The following FRMD4A variants were observed in gnomAD, a reference collection of about 807,000 sequenced individuals.
FRMD4A encodes the protein FERM domain-containing protein 4A.
FRMD4A carries 29 observed loss-of-function variants against 129.1 expected under a neutral mutation model. That is an observed-to-expected ratio of 0.22 (90% CI 0.17 to 0.31). The LOEUF is 0.31. Among genes scored for constraint, FRMD4A ranks in the 10% least tolerant of loss-of-function variants. The pLI is 1.00. For synonymous variants in FRMD4A, 634 were observed against 571.6 expected, an observed-to-expected ratio of 1.11 and a Z score of -1.56; for missense variants, 1,272 against 1,375.8, an observed-to-expected ratio of 0.92 and a Z score of 1.19.
intron 2 of FRMD4A, among the ~76,000 whole-genome samples, chr10:14,132,630 C>G (rs1478396401): frequency 6.6e-6 from 1 of 152,210 alleles, no homozygotes; most frequent in Non-Finnish European, 1.5e-5. Context: ...CCCACCACCT[C>G]CCATTCCTCC....
At chr10:13,842,899 C>A (rs1429199568) in intron 3 of FRMD4A, among the ~76,000 whole-genome samples, 2 of 152,122 alleles carry the variant, frequency 1.3e-5, no homozygotes, top group Non-Finnish European at 2.9e-5. Context: ...TGTGGTGTTT[C>A]TTATTATGTA....
At chr10:14,150,494 A>T (rs957668026) in intron 2 of FRMD4A, among the ~76,000 whole-genome samples, 2 of 152,142 alleles carry the variant, frequency 1.3e-5, no homozygotes, top group African/African-American at 4.8e-5. Flanking sequence ...TCTAGATTAC[A>T]TTCCTGTCCA....
intron 2 of FRMD4A, among the ~76,000 whole-genome samples, chr10:14,225,469 G>A (rs1380551822): frequency 6.6e-6 from 1 of 152,200 alleles, no homozygotes; most frequent in Non-Finnish European, 1.5e-5. Flanking sequence ...TTTGCATGAA[G>A]TGGGTCATCT....
intron 2 of FRMD4A, among the ~76,000 whole-genome samples, chr10:14,277,492 G>A (rs1845382181): frequency 6.6e-6 from 1 of 152,180 alleles, no homozygotes; most frequent in African/African-American, 2.4e-5. Flanking sequence ...AGCCAAAAAG[G>A]AGATTCCAAA....
At chr10:13,942,331 C>A (rs1400441201) in intron 2 of FRMD4A, among the ~76,000 whole-genome samples, 2 of 152,170 alleles carry the variant, frequency 1.3e-5, no homozygotes, top group Admixed American at 1.3e-4. Flanking sequence ...CCTGGGAGAG[C>A]AGCCAGGGCG....
chr10:14,281,596 A>G (rs954479507), intron 2 of FRMD4A, among the ~76,000 whole-genome samples: 7 of 152,216 alleles, frequency 4.6e-5, no homozygotes, highest in Non-Finnish European at 8.8e-5. Context: ...CATAAAATTG[A>G]CCATTGTAAC....
intron 12 of FRMD4A, among the ~76,000 whole-genome samples, chr10:13,731,112 C>G (rs911755493): frequency 6.6e-6 from 1 of 152,082 alleles, no homozygotes; most frequent in Non-Finnish European, 1.5e-5. Flanking sequence ...TGTAAGATCC[C>G]GTCAGCACCG....
intron 22 of FRMD4A, among the ~76,000 whole-genome samples, chr10:13,656,149 A>AC (rs1453667193): frequency 1.3e-5 from 2 of 152,184 alleles, no homozygotes; most frequent in African/African-American, 2.4e-5. Flanking sequence ...CAGCTCTGGC[A>AC]CTGTTTATTA....
At chr10:13,727,344 C>T (rs553239941) in intron 12 of FRMD4A, among the ~76,000 whole-genome samples, 1 of 152,310 alleles carries the variant, frequency 6.6e-6, no homozygotes, top group East Asian at 1.9e-4. Context: ...TACGCCCTCT[C>T]CCGGAATCGT....
At chr10:13,773,271 C>T (rs1015237674) in intron 6 of FRMD4A, among the ~76,000 whole-genome samples, 1 of 152,162 alleles carries the variant, frequency 6.6e-6, no homozygotes, top group African/African-American at 2.4e-5. Flanking sequence ...ACCCGACCTG[C>T]CCTTCTCCTT....
At chr10:13,978,276 G>C (rs150331637) in intron 2 of FRMD4A, among the ~76,000 whole-genome samples, 2 of 152,178 alleles carry the variant, frequency 1.3e-5, no homozygotes, top group East Asian at 3.9e-4. Context: ...CTGCTTTTAG[G>C]GGGCTGGTGT....
At chr10:13,834,441 A>G (rs1234356026) in intron 3 of FRMD4A, among the ~76,000 whole-genome samples, 1 of 152,176 alleles carries the variant, frequency 6.6e-6, no homozygotes, top group African/African-American at 2.4e-5. Flanking sequence ...AGACATGAGC[A>G]CAGTCCTTTG....
chr10:13,812,780 G>A (rs968727168), intron 3 of FRMD4A, among the ~76,000 whole-genome samples: 1 of 152,188 alleles, frequency 6.6e-6, no homozygotes, highest in Non-Finnish European at 1.5e-5. Context: ...GAATGGACAG[G>A]AGAACCCAAC....
intron 2 of FRMD4A, among the ~76,000 whole-genome samples, chr10:14,265,657 C>A (rs774604661): frequency 1.8e-4 from 27 of 152,152 alleles, no homozygotes; most frequent in Non-Finnish European, 3.4e-4. Context: ...GGATTAAAAC[C>A]AAGTGGCCCA....
chr10:14,174,453 G>C (rs908343434), intron 2 of FRMD4A, among the ~76,000 whole-genome samples: 1 of 152,194 alleles, frequency 6.6e-6, no homozygotes, highest in Non-Finnish European at 1.5e-5. Flanking sequence ...AGGAGGCGAG[G>C]GGGGCTGAGC....
rs1260745815 is a variant in FRMD4A, at chr10:14,190,664, G to A, written c.45+139394C>T. ...GTCCCCCAAAGTGCTGGGATTACCG[G>A]CGTGAGCCCCGGCATCTGTCAACAC... On this transcript the variant is annotated intron_variant, in intron 2 of 24. Coordinates refer to ENST00000357447, the MANE Select transcript of FRMD4A (RefSeq NM_018027.5). Among the ~76,000 whole-genome samples, 8 of 152,230 alleles carry A rather than the reference G, an allele frequency of 5.3e-5. No homozygotes were observed. In the East Asian group the frequency reaches 7.7e-4, roughly 15 times the overall value.
At chr10:14,037,160 C>T (rs931513374) in intron 2 of FRMD4A, among the ~76,000 whole-genome samples, 4 of 152,184 alleles carry the variant, frequency 2.6e-5, no homozygotes, top group Non-Finnish European at 5.9e-5. Flanking sequence ...CACATATGCA[C>T]GTGTCCACAC....
intron 11 of FRMD4A, among the ~76,000 whole-genome samples, chr10:13,738,967 A>G (rs941730739): frequency 2.0e-5 from 3 of 152,120 alleles, no homozygotes; most frequent in African/African-American, 7.2e-5. Flanking sequence ...CGTAAGTTGC[A>G]ATTCTATATT....
intron 9 of FRMD4A, among the ~76,000 whole-genome samples, chr10:13,745,540 A>C (rs1438863088): frequency 6.6e-6 from 1 of 152,216 alleles, no homozygotes; most frequent in Non-Finnish European, 1.5e-5. Flanking sequence ...GTTCATATGC[A>C]GAAGAGACAG....
Sources: allele counts gnomAD v4.1 joint callset (sites outside exome capture counted in the v4.1 genomes callset), GRCh38; gene constraint gnomAD v4.1.1; transcripts MANE v1.5; gene names NCBI Gene and HGNC (gene_info 2026-07-23, HGNC 2026-07-21).